Variants in RBFOX1 observed in about 807,000 individuals in gnomAD.
The protein encoded by RBFOX1 is RNA binding protein fox-1 homolog 1.
In RBFOX1, 8 loss-of-function variants were observed where a neutral mutation model predicts 57.7. The ratio of observed to expected loss-of-function variants is 0.14; its 90% CI spans 0.08 to 0.25. The LOEUF (loss-of-function observed/expected upper bound fraction) is 0.25. RBFOX1 is among the 10% of genes least tolerant of loss of function. The pLI, the probability that RBFOX1 is intolerant of heterozygous loss-of-function variation, is 1.00. For synonymous variants in RBFOX1, 326 were observed against 222.4 expected (o/e 1.47, Z -4.15); for missense variants, 611 against 548.5 (o/e 1.11, Z -1.14).
intron 3 of RBFOX1, among the ~76,000 whole-genome samples, chr16:6,981,903 T>C (rs960893081): frequency 1.3e-5 from 2 of 152,214 alleles, no homozygotes; most frequent in African/African-American, 4.8e-5. Flanking sequence ...TTGTGAATAG[T>C]GCTGCAGTGA....
In RBFOX1 at chr16:6,196,213, G is replaced by A. The variant is rs74006929; in HGVS notation, c.-126-120782G>A. Among the ~76,000 whole-genome samples the A allele has an allele frequency of 4.6e-3, 697 of 152,236 alleles. 1 individual carries two copies. Among genetic ancestry groups the A allele is most frequent in the African/African-American group, 0.016 (665 of 41,546 alleles). ...CAAAGAGTTAATTCAGCCATTTAAG[G>A]TAACAAAGCTACCAGGAGTTTGAAT... On this transcript the variant is annotated intron_variant, in intron 1 of 15. Transcript: ENST00000550418.
intron 2 of RBFOX1, among the ~76,000 whole-genome samples, chr16:6,518,791 G>GTC (rs1567531526): frequency 0.078 from 11,019 of 140,446 alleles, 497 homozygotes; most frequent in South Asian, 0.11. Flanking sequence ...GTCTGTCTGT[G>GTC]TGTCTGTCTA....
At chr16:6,168,368 A>G (rs780876863) in intron 1 of RBFOX1, among the ~76,000 whole-genome samples, 2 of 152,146 alleles carry the variant, frequency 1.3e-5, no homozygotes, top group Non-Finnish European at 2.9e-5. Flanking sequence ...TTAAGTATGA[A>G]CAGCTTAAGG....
intron 2 of RBFOX1, among the ~76,000 whole-genome samples, chr16:6,623,189 C>T (rs960779067): frequency 5.9e-5 from 9 of 152,150 alleles, no homozygotes; most frequent in African/African-American, 2.2e-4. Context: ...AATATCAAAA[C>T]ATGCATGCAA....
At chr16:6,851,255 G>A (rs1210474705) in intron 3 of RBFOX1, among the ~76,000 whole-genome samples, 6 of 152,134 alleles carry the variant, frequency 3.9e-5, no homozygotes, top group Admixed American at 6.5e-5. Flanking sequence ...GAATCAATGC[G>A]TGGTTGCCGG....
chr16:7,115,063 T>A (rs2065591273), intron 4 of RBFOX1, among the ~76,000 whole-genome samples: 1 of 152,200 alleles, frequency 6.6e-6, no homozygotes, highest in African/African-American at 2.4e-5. Flanking sequence ...AGTTTGTGTT[T>A]GAAAAATATT....
At chr16:6,160,857 A>G (rs141629627) in intron 1 of RBFOX1, among the ~76,000 whole-genome samples, 21 of 152,134 alleles carry the variant, frequency 1.4e-4, no homozygotes, top group African/African-American at 5.1e-4. Flanking sequence ...CTTAATCTCG[A>G]GTGTCCTTTC....
chr16:7,200,556 G>A (rs113398844), intron 4 of RBFOX1, among the ~76,000 whole-genome samples: 30 of 152,238 alleles, frequency 2.0e-4, no homozygotes, highest in African/African-American at 6.7e-4. Flanking sequence ...TTTTCTGCTC[G>A]AGGAAAAACA....
At chr16:7,156,770 A>T (rs1374577127) in intron 4 of RBFOX1, among the ~76,000 whole-genome samples, 2 of 152,146 alleles carry the variant, frequency 1.3e-5, no homozygotes, top group Non-Finnish European at 2.9e-5. Context: ...TTTCTACTTC[A>T]AACACTGCAT....
In RBFOX1 at chr16:7,284,696, A is replaced by T. The variant is rs533803378; in HGVS notation, c.27+232598A>T. On this transcript the variant is annotated intron_variant, in intron 4 of 15. Coordinates refer to ENST00000550418, the MANE Select transcript of RBFOX1 (RefSeq NM_018723.4). ...GACAGAGTGGTAGTTTCGGTGTTTA[A>T]TCCTGGATCTGATACTTCCTAGCTC... Among the ~76,000 whole-genome samples the T allele has an allele frequency of 8.5e-5, 13 of 152,240 alleles. No homozygotes were observed. In the South Asian group the frequency reaches 2.3e-3, roughly 27 times the overall value.
At chr16:6,567,966 G>T (rs776242012) in intron 2 of RBFOX1, among the ~76,000 whole-genome samples, 2 of 152,054 alleles carry the variant, frequency 1.3e-5, no homozygotes, top group African/African-American at 2.4e-5. Context: ...GACTACAGGC[G>T]CATGCCACCA....
intron 4 of RBFOX1, among the ~76,000 whole-genome samples, chr16:7,297,034 C>T (rs1350001124): frequency 6.6e-6 from 1 of 152,156 alleles, no homozygotes; most frequent in Admixed American, 6.5e-5. Flanking sequence ...GTTTTCCAAG[C>T]TTGCACTCCA....
intron 2 of RBFOX1, among the ~76,000 whole-genome samples, chr16:6,500,159 A>T (rs1024140685): frequency 6.6e-6 from 1 of 152,188 alleles, no homozygotes; most frequent in Non-Finnish European, 1.5e-5. Context: ...CCTTTGAGTC[A>T]CGCCAACTCT....
intron 3 of RBFOX1, among the ~76,000 whole-genome samples, chr16:6,755,534 C>G (rs1706223338): frequency 6.6e-6 from 1 of 152,150 alleles, no homozygotes; most frequent in Non-Finnish European, 1.5e-5. Context: ...GTCAGAACAC[C>G]TGAAATATTT....
At chr16:6,124,730 G>T (rs1484426722) in intron 1 of RBFOX1, among the ~76,000 whole-genome samples, 1 of 152,078 alleles carries the variant, frequency 6.6e-6, no homozygotes, top group Non-Finnish European at 1.5e-5. Flanking sequence ...GTTTCACCAT[G>T]TTGGCCAGGC....
intron 4 of RBFOX1, among the ~76,000 whole-genome samples, chr16:7,506,917 G>A (rs1231088595): frequency 6.6e-6 from 1 of 152,162 alleles, no homozygotes; most frequent in East Asian, 1.9e-4. Flanking sequence ...CTGGAAGGAG[G>A]ATCAGTTTTA....
rs1282623509 is a variant in RBFOX1 at position 5,811,408 on chromosome 16, G to GC, written c.319-55894dup. 4.6e-5 allele frequency among the ~76,000 whole-genome samples: 7 copies of GC among 151,544 alleles called. No individual in the cohort carries two copies. The East Asian group carries it at 1.4e-3, about 29-fold the overall frequency. ...TCCGCCTGCCTCGGCCTCTCAAAGT[G>GC]CTGGGATTACAGGTGTGAGCCAATG... On this transcript the variant is annotated intron_variant, in intron 3 of 19. Transcript: ENST00000641259.
chr16:6,781,492 A>G (rs2081014697), intron 3 of RBFOX1, among the ~76,000 whole-genome samples: 1 of 152,088 alleles, frequency 6.6e-6, no homozygotes, highest in African/African-American at 2.4e-5. Context: ...AATAGTTTGA[A>G]TAGAATTGGT....
rs145215324 is a variant in RBFOX1, at chr16:6,996,966, T to C, written c.-15-55091T>C. Among the ~76,000 whole-genome samples, 804 of 152,268 alleles carry C rather than the reference T, an allele frequency of 5.3e-3. 1 individual carries two copies. The highest frequency in any genetic ancestry group is 7.8e-3 in the Non-Finnish European group (529 of 68,014). On this transcript the variant is annotated intron_variant, in intron 3 of 15. Transcript: ENST00000550418. ...TTTAATAAATTATCAAGAAAGTTTA[T>C]AGGCAGCATTGAAGATTTCCTCATC...
Sources: gnomAD v4.1 joint callset for allele counts (sites outside exome capture counted in the v4.1 genomes callset) on GRCh38, gnomAD v4.1.1 for gene constraint, MANE v1.5 for transcripts, NCBI Gene and HGNC (gene_info 2026-07-23, HGNC 2026-07-21) for gene names.